Variants in EFCAB5 observed in about 807,000 individuals in gnomAD.
EFCAB5 encodes the protein EF-hand calcium-binding domain-containing protein 5.
EFCAB5 carries 131 observed loss-of-function variants against 167.9 expected under a neutral mutation model. That is an observed-to-expected ratio of 0.78 (90% CI 0.68 to 0.90). The LOEUF (loss-of-function observed/expected upper bound fraction) is 0.90, where lower values mean the gene tolerates loss of function less well. Ranked by LOEUF, EFCAB5 falls within the 40% of genes least tolerant of loss-of-function variation. EFCAB5 has a pLI of 0.00. For missense variants in EFCAB5, 1,663 were observed against 1,745.2 expected (o/e 0.95, Z 0.84); for synonymous variants, 574 against 602.8 (o/e 0.95, Z 0.70).
chr17:30,091,282 G>A (rs548570334), intron 20 of EFCAB5, among the ~76,000 whole-genome samples: 2 of 152,164 alleles, frequency 1.3e-5, no homozygotes, highest in South Asian at 2.1e-4. Flanking sequence ...TACTCTCAGC[G>A]CAATGCCAGC....
intron 14 of EFCAB5, chr17:30,073,331 A>G: frequency 1.8e-6 from 1 of 544,188 alleles, no homozygotes; most frequent in Non-Finnish European, 3.2e-6. Context: ...TGCTGGGATT[A>G]CAGGCATGAG....
At chr17:29,930,860 G>A (rs1334375947) in intron 1 of EFCAB5, among the ~76,000 whole-genome samples, 2 of 152,152 alleles carry the variant, frequency 1.3e-5, no homozygotes, top group African/African-American at 2.4e-5. Context: ...GAGCGCGCCT[G>A]GGAGTCCGAG....
At chr17:29,938,280 G>A (rs767720802), upstream of EFCAB5, among the ~76,000 whole-genome samples, 4 of 151,166 alleles carry the variant, frequency 2.6e-5, no homozygotes, top group African/African-American at 7.2e-5. Context: ...TCTAAAAAAT[G>A]TGCATATCTT....
At chr17:30,050,751 T>G (rs1472366816) in intron 8 of EFCAB5, among the ~76,000 whole-genome samples, 1 of 152,240 alleles carries the variant, frequency 6.6e-6, no homozygotes, top group Non-Finnish European at 1.5e-5. Context: ...TCAAAAAAAT[T>G]TTTTAAAAAT....
chr17:30,037,188 T>C (rs936889248), intron 8 of EFCAB5, among the ~76,000 whole-genome samples: 1 of 151,986 alleles, frequency 6.6e-6, no homozygotes, highest in African/African-American at 2.4e-5. Flanking sequence ...AGGGTGTAGG[T>C]AGATGGGCCT....
intron 3 of EFCAB5, among the ~76,000 whole-genome samples, chr17:29,947,671 T>G (rs528636421): frequency 8.5e-5 from 13 of 152,304 alleles, no homozygotes; most frequent in African/African-American, 1.4e-4. Flanking sequence ...ATTTTCTTCC[T>G]GGCAAGTCTT....
Position 29,942,400 on chromosome 17 carries a change from G to A in EFCAB5, c.105+98G>A, listed in dbSNP as rs2067312474. On this transcript the variant is annotated intron_variant, in intron 2 of 22. Coordinates refer to ENST00000394835, the MANE Select transcript of EFCAB5 (RefSeq NM_198529.4). ...AAGAAAAGATGTGGGTATTCAAAAA[G>A]ATAACTAAAATTGCAAAAGGAAAAG... The A allele has an allele frequency of 2.6e-6, 3 of 1,165,490 alleles. No individual in the cohort carries two copies. The Admixed American group carries it at 9.6e-5, about 37-fold the overall frequency. 72.2% of individuals were successfully genotyped at this position (1,165,490 alleles called of 1,614,324 possible). A position where few individuals can be genotyped will look rare whatever the true frequency, so the allele number is the denominator to read the frequency against.
At chr17:30,042,373 T>C (rs2069798211) in intron 8 of EFCAB5, among the ~76,000 whole-genome samples, 1 of 152,178 alleles carries the variant, frequency 6.6e-6, no homozygotes, top group Admixed American at 6.5e-5. Flanking sequence ...TTTATTGCAA[T>C]ATTCATTTTA....
At chr17:29,964,304 T>C (rs940970096) in intron 3 of EFCAB5, among the ~76,000 whole-genome samples, 1 of 152,184 alleles carries the variant, frequency 6.6e-6, no homozygotes, top group African/African-American at 2.4e-5. Flanking sequence ...TAATCGTTTT[T>C]GTTTTCCAAG....
At chr17:30,069,465 A>AGATTGATG in intron 14 of EFCAB5, 4 of 1,578,178 alleles carry the variant, frequency 2.5e-6, no homozygotes, top group Non-Finnish European at 3.5e-6. Context: ...CAGGAAGCTG[A>AGATTGATG]GATTGATGGC....
intron 7 of EFCAB5, among the ~76,000 whole-genome samples, chr17:30,008,533 C>T (rs960734722): frequency 1.3e-5 from 2 of 151,560 alleles, no homozygotes; most frequent in Non-Finnish European, 2.9e-5. Flanking sequence ...CAGGTTGCAG[C>T]GAGCTGAGAT....
rs1442836095 is a variant in EFCAB5, at chr17:29,969,017, G to A, written c.417G>A (p.Leu139=). 4 of 1,592,492 alleles carry A rather than the reference G, an allele frequency of 2.5e-6. No individual in the cohort carries two copies. The highest frequency in any genetic ancestry group is 3.4e-6 in the Non-Finnish European group (4 of 1,170,918). The change falls in exon 4 of 23, where the codon CTG becomes CTA. Residue 139 remains leucine, a synonymous_variant. Coordinates refer to ENST00000394835, the MANE Select transcript of EFCAB5 (RefSeq NM_198529.4). ...AGAAAATAATAGATAAGGAAAATCTGAAGAAGGAACTAGAAAAAAAGGCTG... is the reference window on the plus strand; with the variant it reads ...AGAAAATAATAGATAAGGAAAATCTAAAGAAGGAACTAGAAAAAAAGGCTG... The part of the protein sequence containing the change: ...MQQKIIDKEN[L]KKELEKKAEK...
chr17:29,999,983 G>C lies in EFCAB5; in HGVS notation c.1044+7G>C, dbSNP rs1197780623. Reference sequence around the variant, plus strand: ...CAAAATGGAATTTACAGAAGTAAGAGTTACATTATTTAATGTTTGAATTGA... The same window carrying C: ...CAAAATGGAATTTACAGAAGTAAGACTTACATTATTTAATGTTTGAATTGA... On this transcript the variant is annotated splice_region_variant and intron_variant, in intron 7 of 22. Coordinates refer to ENST00000394835, the MANE Select transcript of EFCAB5 (RefSeq NM_198529.4). 1.9e-6 allele frequency: 3 copies of C among 1,543,846 alleles called. No homozygotes were observed. The highest frequency in any genetic ancestry group is 1.2e-5 in the South Asian group (1 of 82,914).
chr17:30,015,238 C>T (rs997605652), intron 7 of EFCAB5, among the ~76,000 whole-genome samples: 2 of 152,106 alleles, frequency 1.3e-5, no homozygotes, highest in African/African-American at 2.4e-5. Flanking sequence ...AGCATTTTTC[C>T]GTCATTTCAA....
At chr17:30,100,877 A>G (rs1336436845) in intron 22 of EFCAB5, among the ~76,000 whole-genome samples, 1 of 152,230 alleles carries the variant, frequency 6.6e-6, no homozygotes, top group Non-Finnish European at 1.5e-5. Flanking sequence ...ATCCTAAGAA[A>G]AGAAAAAGAG....
intron 9 of EFCAB5, among the ~76,000 whole-genome samples, chr17:30,052,185 GAC>G (rs1462626536): frequency 2.0e-5 from 3 of 151,786 alleles, no homozygotes; most frequent in Non-Finnish European, 4.4e-5. Flanking sequence ...TTTTTTTTGA[GAC>G]AGAGTCTCGC....
intron 7 of EFCAB5, among the ~76,000 whole-genome samples, chr17:30,021,094 A>C (rs2069167508): frequency 6.6e-6 from 1 of 152,012 alleles, no homozygotes; most frequent in Non-Finnish European, 1.5e-5. Flanking sequence ...AAAAAGACAT[A>C]AAGGTCTGAA....
At chr17:30,069,347 C>G (rs1273690413) in intron 14 of EFCAB5, 1 of 1,556,690 alleles carries the variant, frequency 6.4e-7, no homozygotes, top group Non-Finnish European at 8.9e-7. Context: ...GGAAAATCAG[C>G]GACTAATTGG....
At chr17:30,034,721 G>A (rs999862297) in intron 8 of EFCAB5, among the ~76,000 whole-genome samples, 12 of 152,136 alleles carry the variant, frequency 7.9e-5, no homozygotes, top group African/African-American at 2.7e-4. Flanking sequence ...ATGAAGCTGG[G>A]AACAAAGCCC....
Sources: gnomAD v4.1 joint callset for allele counts (sites outside exome capture counted in the v4.1 genomes callset) on GRCh38, gnomAD v4.1.1 for gene constraint, MANE v1.5 for transcripts, NCBI Gene and HGNC (gene_info 2026-07-23, HGNC 2026-07-21) for gene names.